The following CLDN14 variants were observed in gnomAD, a reference collection of about 807,000 sequenced individuals.
CLDN14 encodes claudin 14.
CLDN14 carries 2 observed loss-of-function variants against 2.1 expected under a neutral mutation model. The ratio of observed to expected loss-of-function variants is 0.96; its 90% confidence interval spans 0.39 to 3.01. CLDN14 has a LOEUF of 3.01. Ranked by LOEUF, CLDN14 falls within the 30% of genes most tolerant of loss-of-function variation. The pLI is 0.09. For synonymous variants in CLDN14, 136 were observed against 154.4 expected (o/e 0.88, Z 0.88); for missense variants, 298 against 328.0 (o/e 0.91, Z 0.71).
intron 1 of CLDN14, among the ~76,000 whole-genome samples, chr21:36,570,377 G>C (rs564911382): frequency 2.7e-4 from 41 of 152,284 alleles, no homozygotes; most frequent in African/African-American, 9.1e-4. Context: ...AGGAGGGTAT[G>C]ATGAGGCATG....
intron 1 of CLDN14, among the ~76,000 whole-genome samples, chr21:36,565,596 C>T (rs190341313): frequency 3.0e-4 from 46 of 152,226 alleles, no homozygotes; most frequent in African/African-American, 1.0e-3. Flanking sequence ...TTGCTGAATG[C>T]GGAGTTGGCA....
intron 1 of CLDN14, among the ~76,000 whole-genome samples, chr21:36,472,316 C>T (rs557710141): frequency 6.6e-6 from 1 of 152,222 alleles, no homozygotes; most frequent in African/African-American, 2.4e-5. Context: ...GATGGTTTAG[C>T]TGCGGGGTGT....
intron 2 of CLDN14, among the ~76,000 whole-genome samples, chr21:36,504,339 G>GA (rs1041109101): frequency 6.6e-6 from 1 of 151,766 alleles, no homozygotes; most frequent in Admixed American, 6.6e-5. Flanking sequence ...TTAAAAACAA[G>GA]AAAAAAATAC....
chr21:36,561,351 G>C (rs973932591), intron 1 of CLDN14, among the ~76,000 whole-genome samples: 1 of 152,202 alleles, frequency 6.6e-6, no homozygotes, highest in Non-Finnish European at 1.5e-5. Flanking sequence ...TGGAACCAAG[G>C]GAAATTTTTT....
chr21:36,495,029 C>G (rs1397929313), intron 2 of CLDN14, among the ~76,000 whole-genome samples: 2 of 152,162 alleles, frequency 1.3e-5, no homozygotes, highest in African/African-American at 4.8e-5. Flanking sequence ...TCCCCCCACA[C>G]AGAAAGGGGA....
chr21:36,508,027 ACT>A (rs1439067257), intron 2 of CLDN14, among the ~76,000 whole-genome samples: 2 of 151,984 alleles, frequency 1.3e-5, no homozygotes, highest in Admixed American at 1.3e-4. Context: ...TACATATCAC[ACT>A]CTGTGCTCTC....
intron 1 of CLDN14, among the ~76,000 whole-genome samples, chr21:36,514,023 G>A (rs889770661): frequency 3.3e-5 from 5 of 151,832 alleles, no homozygotes; most frequent in Non-Finnish European, 7.4e-5. Flanking sequence ...ATTATTTATT[G>A]ATTTATATTT....
chr21:36,527,740 C>T (rs1384278835), intron 1 of CLDN14, among the ~76,000 whole-genome samples: 3 of 151,498 alleles, frequency 2.0e-5, no homozygotes, highest in African/African-American at 4.9e-5. Context: ...AAAAGGGAAT[C>T]GTTATTGGTA....
At chr21:36,484,362 C>T (rs568706996), upstream of CLDN14, among the ~76,000 whole-genome samples, 13 of 152,232 alleles carry the variant, frequency 8.5e-5, no homozygotes, top group African/African-American at 2.9e-4. Context: ...AGAACAGCCC[C>T]GAAACTTGGC....
chr21:36,536,721 A>C (rs1464786454), intron 1 of CLDN14, among the ~76,000 whole-genome samples: 1 of 152,204 alleles, frequency 6.6e-6, no homozygotes, highest in East Asian at 1.9e-4. Context: ...TCTACATGTT[A>C]AGAAAATATT....
intron 1 of CLDN14, among the ~76,000 whole-genome samples, chr21:36,545,879 G>A (rs1440390203): frequency 2.0e-5 from 3 of 152,074 alleles, no homozygotes; most frequent in Non-Finnish European, 4.4e-5. Flanking sequence ...GTCTGCCCAG[G>A]CGGGAGGAGG....
intron 1 of CLDN14, among the ~76,000 whole-genome samples, chr21:36,470,578 A>T (rs1257433563): frequency 6.6e-6 from 1 of 152,204 alleles, no homozygotes; most frequent in South Asian, 2.1e-4. Context: ...ATGACAGAAT[A>T]AATTTCTGTT....
At position 36,498,895 on chromosome 21, in the gene CLDN14, A is replaced by G. The variant is rs1197077874; in HGVS notation, c.-82+11468T>C. ...TTGATTCCTGCCTGAGGTGCCAGGAACCTGTCCCTTTCTTCTAGGTGGTTC... is the reference window on the plus strand; with the variant it reads ...TTGATTCCTGCCTGAGGTGCCAGGAGCCTGTCCCTTTCTTCTAGGTGGTTC... On this transcript the variant is annotated intron_variant, in intron 2 of 2. Transcript: ENST00000342108. The surrounding 1 kb of genome is among the most constrained non-coding windows in gnomAD (Gnocchi z 4.9). Among the ~76,000 whole-genome samples the G allele has an allele frequency of 6.6e-6, 1 of 150,748 alleles. No individual in the cohort carries two copies. The highest frequency in any genetic ancestry group is 1.5e-5 in the Non-Finnish European group (1 of 67,664).
At chr21:36,575,849 G>C (rs1261281382) in intron 1 of CLDN14, among the ~76,000 whole-genome samples, 1 of 152,184 alleles carries the variant, frequency 6.6e-6, no homozygotes, top group Non-Finnish European at 1.5e-5. Flanking sequence ...GCCTTCCAGG[G>C]AGATGAGCTC....
intron 1 of CLDN14, among the ~76,000 whole-genome samples, chr21:36,549,178 A>G (rs1299542753): frequency 6.7e-6 from 1 of 149,758 alleles, no homozygotes. Context: ...CCATCTTGCT[A>G]CGATTTCTGT....
In CLDN14 at chr21:36,551,233, C is replaced by A. The variant is rs1298023323; in HGVS notation, c.-220+25178G>T. Among the ~76,000 whole-genome samples the A allele has an allele frequency of 6.6e-6, 1 of 152,220 alleles. No individual in the cohort carries two copies. Among genetic ancestry groups the A allele is most frequent in the African/African-American group, 2.4e-5 (1 of 41,466 alleles). ...TTACAACTGTCCTTAGCAAACAAAT[C>A]CAGAGAGACCACGATGGCTTGGCCC... On this transcript the variant is annotated intron_variant, in intron 1 of 2. Transcript: ENST00000342108. This position sits in a 1 kb window ranked among gnomAD's most constrained non-coding sequence, Gnocchi z 4.8.
chr21:36,485,850 T>G, intron 2 of CLDN14: 2 of 522,132 alleles, frequency 3.8e-6, no homozygotes, highest in Non-Finnish European at 6.7e-6. Context: ...GAGGTTCCAT[T>G]TCCTTTTTTT....
intron 1 of CLDN14, among the ~76,000 whole-genome samples, chr21:36,526,958 A>C (rs1240090134): frequency 6.6e-6 from 1 of 152,238 alleles, no homozygotes; most frequent in Non-Finnish European, 1.5e-5. Context: ...GGACCATCAA[A>C]GCACTGGGTT....
chr21:36,461,010 G>A lies in CLDN14; in HGVS notation c.686C>T (p.Thr229Met), dbSNP rs750677498. ...GTCGTTCAGCCTGTACCCGCTGTGCGTGGCCGAGGTCACTGAGGGGGCCCG... is the reference window on the plus strand; with the variant it reads ...GTCGTTCAGCCTGTACCCGCTGTGCATGGCCGAGGTCACTGAGGGGGCCCG... ...DNRAPSVTSA[T>M]HSGYRLNDYV The change falls in exon 2 of 2, where the codon ACG becomes ATG. Residue 229 changes from threonine to methionine, a missense_variant. Thr to Met is a moderately conservative substitution (Grantham distance 81, BLOSUM62 -1). Transcript: ENST00000399135. The A allele has an allele frequency of 1.2e-5, 19 of 1,613,232 alleles. No individual in the cohort carries two copies. Among genetic ancestry groups the A allele is most frequent in the South Asian group, 5.5e-5 (5 of 91,052 alleles).
Sources: allele counts gnomAD v4.1 joint callset (sites outside exome capture counted in the v4.1 genomes callset), GRCh38; gene constraint gnomAD v4.1.1; non-coding constraint Gnocchi (gnomAD v3.1); transcripts MANE v1.5; gene names NCBI Gene and HGNC (gene_info 2026-07-23, HGNC 2026-07-21).